The following NCOA2 variants were observed in gnomAD, a reference collection of about 807,000 sequenced individuals.
NCOA2 encodes nuclear receptor coactivator 2, also known as class E basic helix-loop-helix protein 75.
Under a neutral mutation model 145.1 loss-of-function variants are expected in NCOA2, and 21 were observed. The observed-to-expected ratio is 0.14, with a 90% confidence interval of 0.10 to 0.21. NCOA2 has a LOEUF of 0.21. Among genes scored for constraint, NCOA2 ranks in the 10% least tolerant of loss-of-function variants. NCOA2 has a pLI of 1.00. For missense variants in NCOA2, 1,472 were observed against 1,837.6 expected (o/e 0.80, Z 3.64); for synonymous variants, 619 against 637.5 (o/e 0.97, Z 0.44).
intron 2 of NCOA2, among the ~76,000 whole-genome samples, chr8:70,261,541 T>C (rs773594439): frequency 3.6e-4 from 54 of 152,104 alleles, no homozygotes; most frequent in Non-Finnish European, 6.0e-4. Flanking sequence ...TGTATACATA[T>C]GTAAGTAACC....
intron 12 of NCOA2, among the ~76,000 whole-genome samples, chr8:70,145,403 C>A (rs1296407384): frequency 6.6e-6 from 1 of 152,002 alleles, no homozygotes; most frequent in East Asian, 1.9e-4. Context: ...CGGCTCACTG[C>A]AACCTCTGCC....
chr8:70,157,471 G>A (rs561231501), intron 10 of NCOA2, among the ~76,000 whole-genome samples: 65 of 152,322 alleles, frequency 4.3e-4, no homozygotes, highest in African/African-American at 1.5e-3. Flanking sequence ...TGGTTTTACA[G>A]AGGGGGTGTG....
intron 13 of NCOA2, among the ~76,000 whole-genome samples, chr8:70,143,252 C>T: frequency 6.6e-6 from 1 of 152,208 alleles, no homozygotes; most frequent in Admixed American, 6.5e-5. Context: ...CTGGCCTAGT[C>T]TGTGTTTTTT....
chr8:70,170,158 T>C, intron 6 of NCOA2, 44 bp downstream of exon 6: 1 of 1,572,396 alleles, frequency 6.4e-7, no homozygotes, highest in Non-Finnish European at 8.7e-7. Flanking sequence ...GCAGGGCAGG[T>C]GGGGGTGACG....
intron 2 of NCOA2, among the ~76,000 whole-genome samples, chr8:70,254,711 G>A (rs1209563434): frequency 6.6e-6 from 1 of 152,076 alleles, no homozygotes; most frequent in Non-Finnish European, 1.5e-5. Flanking sequence ...GGGGCAGGTA[G>A]GAATGGGGAG....
At chr8:70,152,025 C>A (rs1292347984) in intron 11 of NCOA2, among the ~76,000 whole-genome samples, 1 of 152,180 alleles carries the variant, frequency 6.6e-6, no homozygotes, top group East Asian at 1.9e-4. Flanking sequence ...TCTCTATCCA[C>A]TTTGTTAGGC....
intron 1 of NCOA2, among the ~76,000 whole-genome samples, chr8:70,397,619 C>G (rs925614968): frequency 1.3e-5 from 2 of 152,198 alleles, no homozygotes; most frequent in African/African-American, 4.8e-5. Context: ...CAACAATACA[C>G]AGGCAACGCC....
intron 22 of NCOA2, among the ~76,000 whole-genome samples, chr8:70,114,078 C>T (rs910131661): frequency 2.0e-5 from 3 of 152,146 alleles, no homozygotes; most frequent in Admixed American, 6.5e-5. Flanking sequence ...CAGTACAAAC[C>T]CTTCTTCTAT....
intron 9 of NCOA2, among the ~76,000 whole-genome samples, chr8:70,161,524 T>C (rs974213887): frequency 2.0e-5 from 3 of 152,050 alleles, no homozygotes; most frequent in African/African-American, 7.2e-5. Flanking sequence ...ATGAATAAGA[T>C]GAGGGGAAAA....
chr8:70,429,397 G>A, the NCOA2 span, among the ~76,000 whole-genome samples: 3 of 152,202 alleles, frequency 2.0e-5, no homozygotes, highest in African/African-American at 7.2e-5. Flanking sequence ...TTACAATAAA[G>A]CAGGAGTGCT....
intron 4 of NCOA2, among the ~76,000 whole-genome samples, chr8:70,189,670 A>G (rs943030458): frequency 6.6e-6 from 1 of 152,174 alleles, no homozygotes; most frequent in Non-Finnish European, 1.5e-5. Flanking sequence ...AAAATACATG[A>G]TATTAGATGG....
intron 2 of NCOA2, among the ~76,000 whole-genome samples, chr8:70,260,950 C>T (rs572492520): frequency 6.6e-6 from 1 of 152,270 alleles, no homozygotes; most frequent in Non-Finnish European, 1.5e-5. Context: ...AGTCAGGAAA[C>T]AACAGGTGCT....
chr8:70,304,163 GCATAACAA>G (rs1185292377), intron 1 of NCOA2, among the ~76,000 whole-genome samples: 1 of 152,132 alleles, frequency 6.6e-6, no homozygotes, highest in African/African-American at 2.4e-5. Flanking sequence ...GTCATGCACT[GCATAACAA>G]CATTTGTCAA....
At chr8:70,257,200 ATGC>A (rs1450372808) in intron 2 of NCOA2, among the ~76,000 whole-genome samples, 3 of 152,344 alleles carry the variant, frequency 2.0e-5, no homozygotes, top group Non-Finnish European at 4.4e-5. Flanking sequence ...TTCCCTTCTG[ATGC>A]TGCTATAAAT....
chr8:70,239,417 A>C (rs903898047), intron 2 of NCOA2, among the ~76,000 whole-genome samples: 1 of 152,092 alleles, frequency 6.6e-6, no homozygotes, highest in African/African-American at 2.4e-5. Context: ...GAAACACAAG[A>C]CCTACAGTCT....
chr8:70,373,322 C>T (rs544387754), intron 1 of NCOA2, among the ~76,000 whole-genome samples: 5 of 152,226 alleles, frequency 3.3e-5, no homozygotes, highest in African/African-American at 1.2e-4. Flanking sequence ...TTGCATTTCC[C>T]TGATGGTTTA....
intron 4 of NCOA2, among the ~76,000 whole-genome samples, chr8:70,188,468 G>C (rs142004177): frequency 1.3e-5 from 2 of 152,202 alleles, no homozygotes; most frequent in African/African-American, 4.8e-5. Context: ...CTGCTTCACA[G>C]GGATGTTATG....
intron 2 of NCOA2, among the ~76,000 whole-genome samples, chr8:70,279,435 C>G (rs1208682581): frequency 6.6e-6 from 1 of 152,092 alleles, no homozygotes; most frequent in African/African-American, 2.4e-5. Flanking sequence ...TATTAGTATA[C>G]CTGAATAATT....
chr8:70,146,958 T>C (rs975434789), intron 12 of NCOA2, among the ~76,000 whole-genome samples: 6 of 152,236 alleles, frequency 3.9e-5, no homozygotes, highest in African/African-American at 1.2e-4. Flanking sequence ...CCCCAAGTGC[T>C]GGGATTACAG....
Sources: gnomAD v4.1 joint callset for allele counts (sites outside exome capture counted in the v4.1 genomes callset) on GRCh38, gnomAD v4.1.1 for gene constraint, MANE v1.5 for transcripts, NCBI Gene and HGNC (gene_info 2026-07-23, HGNC 2026-07-21) for gene names.